MROH1: variants seen among roughly 807,000 people sequenced by gnomAD.
MROH1 encodes the protein maestro heat like repeat family member 1.
Under a neutral mutation model 116.5 loss-of-function variants are expected in MROH1, and 117 were observed. That is an observed-to-expected ratio of 1.00 (90% CI 0.86 to 1.17). The LOEUF is 1.17. Among genes scored for constraint, MROH1 ranks in the 50% most tolerant of loss-of-function variants. MROH1 has a pLI of 0.00. For missense variants in MROH1, 1,873 were observed against 1,338.5 expected (o/e 1.40, Z -6.23); for synonymous variants, 921 against 583.9 (o/e 1.58, Z -8.32).
Position 144,245,272 on chromosome 8 carries a change from G to A in MROH1, c.2871+12G>A, listed in dbSNP as rs1472261572. On this transcript the variant is annotated intron_variant, in intron 29 of 43. Coordinates refer to ENST00000326134, the MANE Select transcript of MROH1 (RefSeq NM_032450.3). ...ACCTGCGTGTCAGCGTGAGTACCTGGGTCCCTGGCCCGGGTGCTGCTGCCT... is the reference window on the plus strand; with the variant it reads ...ACCTGCGTGTCAGCGTGAGTACCTGAGTCCCTGGCCCGGGTGCTGCTGCCT... 1.3e-6 allele frequency: 1 copy of A among 775,700 alleles called. No homozygotes were observed. Among genetic ancestry groups the A allele is most frequent in the Non-Finnish European group, 2.4e-6 (1 of 417,710 alleles). 48.1% of individuals were successfully genotyped at this position (775,700 alleles called of 1,614,324 possible).
At chr8:144,155,960 C>T (rs967397851) in intron 1 of MROH1, among the ~76,000 whole-genome samples, 5 of 146,030 alleles carry the variant, frequency 3.4e-5, no homozygotes, top group African/African-American at 7.5e-5. Flanking sequence ...AAGTTGAGGC[C>T]GGGCGCGGTG....
intron 12 of MROH1, among the ~76,000 whole-genome samples, chr8:144,220,230 C>T (rs140516724): frequency 2.4e-4 from 36 of 152,316 alleles, no homozygotes; most frequent in African/African-American, 7.7e-4. Flanking sequence ...GAGTCAGCGC[C>T]TGGAGGGGGA....
intron 12 of MROH1, chr8:144,214,095 C>G (rs1484522998): frequency 6.6e-6 from 1 of 152,254 alleles, no homozygotes; most frequent in African/African-American, 2.4e-5. Context: ...CTGCTCCCAC[C>G]AGCAACCTGG....
rs919778399 is a variant in MROH1 at position 144,254,818 on chromosome 8, C to A, written c.3434C>A (p.Thr1145Asn). ...LGSPLPLDSH[T>N]CMLWRALAVE... ...ACTCTCCTGCTCTGCTCCAGCCACA[C>A]CTGCATGCTGTGGCGGGCGCTGGCG... Residue 1145 changes from threonine (T) to asparagine (N), a missense_variant, in exon 34 of 44, where the codon ACC becomes AAC. By Grantham distance (65) the Thr-to-Asn change is moderately conservative (BLOSUM62 0). Coordinates refer to ENST00000326134, the MANE Select transcript of MROH1 (RefSeq NM_032450.3). 3 of 777,096 alleles carry A rather than the reference C, an allele frequency of 3.9e-6. No individual in the cohort carries two copies. The highest frequency in any genetic ancestry group is 7.2e-6 in the Non-Finnish European group (3 of 417,574). The allele number at this position is 777,096 out of a possible 1,614,324, so 48.1% of individuals were successfully genotyped here.
chr8:144,169,071 G>T (rs114291213), intron 4 of MROH1, among the ~76,000 whole-genome samples: 1 of 152,170 alleles, frequency 6.6e-6, no homozygotes, highest in Non-Finnish European at 1.5e-5. Context: ...TTTCGGCCTC[G>T]CCTGATCTTG....
intron 3 of MROH1, among the ~76,000 whole-genome samples, chr8:144,166,278 T>G (rs765175752): frequency 5.9e-5 from 9 of 152,220 alleles, no homozygotes; most frequent in African/African-American, 2.2e-4. Context: ...TTCCAACATA[T>G]GGATTTTGGA....
At chr8:144,209,774 C>T (rs2132076419) in intron 12 of MROH1, among the ~76,000 whole-genome samples, 1 of 151,094 alleles carries the variant, frequency 6.6e-6, no homozygotes, top group East Asian at 2.0e-4. Flanking sequence ...GGTGTGGTAG[C>T]ATGCATCTGT....
rs1285724642 is a variant in MROH1, at chr8:144,195,495, CTGTCTCAAAAAAAAAAAAAAAAAAAAAAA to C, written c.948+3095_948+3123del. On this transcript the variant is annotated intron_variant, in intron 10 of 43. Transcript: ENST00000326134. ...CCAGCCTGGGCAACAGAGTGAGACTCTGTCTCAAAAAAAAAAAAAAAAAAAAAAAAGAAACAGAGTCTCACTCTGTTGCC... is the reference window on the plus strand; with the variant it reads ...CCAGCCTGGGCAACAGAGTGAGACTCAGAAACAGAGTCTCACTCTGTTGCC... Among the ~76,000 whole-genome samples the C allele has an allele frequency of 1.5e-4, 11 of 72,496 alleles. 1 individual carries two copies. The East Asian group carries it at 5.7e-3, about 37-fold the overall frequency. 47.6% of individuals were successfully genotyped at this position (72,496 alleles called of 152,430 possible). A position where few individuals can be genotyped will look rare whatever the true frequency, so the allele number is the denominator to read the frequency against.
Position 144,250,715 on chromosome 8 carries a change from G to A in MROH1, c.3428+349G>A, listed in dbSNP as rs1588492383. On this transcript the variant is annotated intron_variant, in intron 33 of 43. Transcript: ENST00000326134. The stretch of plus-strand genomic sequence containing the variant: ...CACACTGGAGGCTGCCCCTCACCCT[G>A]TGTCTTGGTTCCGGCTACTCCAAGC... 3 of 413,596 alleles carry A rather than the reference G, an allele frequency of 7.3e-6. No individual in the cohort carries two copies. The East Asian group carries it at 1.6e-4, about 22-fold the overall frequency. 25.6% of individuals were successfully genotyped at this position (413,596 alleles called of 1,614,324 possible).
At position 144,240,696 on chromosome 8, in the gene MROH1, T is replaced by G; in HGVS notation, c.1935+19T>G. 3 of 714,450 alleles carry G rather than the reference T, an allele frequency of 4.2e-6. No homozygotes were observed. 44.3% of individuals were successfully genotyped at this position (714,450 alleles called of 1,614,324 possible). A position where few individuals can be genotyped will look rare whatever the true frequency, so the allele number is the denominator to read the frequency against. ...GGAGAAGGTGGGGCACCTGCTGGCGTTCTTGGTGTGGTACTTGGGCTCCGA... is the reference window on the plus strand; with the variant it reads ...GGAGAAGGTGGGGCACCTGCTGGCGGTCTTGGTGTGGTACTTGGGCTCCGA... On this transcript the variant is annotated intron_variant, in intron 20 of 43. Coordinates refer to ENST00000326134, the MANE Select transcript of MROH1 (RefSeq NM_032450.3).
intron 4 of MROH1, among the ~76,000 whole-genome samples, chr8:144,177,278 C>T (rs1395035876): frequency 2.0e-5 from 3 of 152,196 alleles, no homozygotes; most frequent in East Asian, 3.9e-4. Context: ...ATGCCACAGC[C>T]ACGTGCGGCA....
intron 7 of MROH1, among the ~76,000 whole-genome samples, chr8:144,187,013 G>A (rs1305124024): frequency 6.6e-6 from 1 of 151,898 alleles, no homozygotes; most frequent in Non-Finnish European, 1.5e-5. Context: ...CAGGAGAATT[G>A]CTTGAACCTG....
chr8:144,219,166 G>T (rs1015201982), intron 12 of MROH1, among the ~76,000 whole-genome samples: 1 of 151,746 alleles, frequency 6.6e-6, no homozygotes, highest in Non-Finnish European at 1.5e-5. Flanking sequence ...GGGACTACAG[G>T]CATCCACCAC....
chr8:144,244,014 A>G, intron 26 of MROH1, 72 bp downstream of exon 26: 1 of 752,060 alleles, frequency 1.3e-6, no homozygotes, highest in Non-Finnish European at 2.5e-6. Context: ...TTGTGTGTGC[A>G]CGTGTATGCG....
chr8:144,240,620 G>C lies in MROH1; in HGVS notation c.1878G>C (p.Gln626His). The C allele has an allele frequency of 2.8e-6, 2 of 717,650 alleles. No individual in the cohort carries two copies. The highest frequency in any genetic ancestry group is 4.0e-5 in the Admixed American group (2 of 50,022). 44.5% of individuals were successfully genotyped at this position (717,650 alleles called of 1,614,324 possible). The change falls in exon 20 of 44, where the codon CAG becomes CAC. Residue 626 changes from glutamine to histidine, a missense_variant. Coordinates refer to ENST00000326134, the MANE Select transcript of MROH1 (RefSeq NM_032450.3). The stretch of plus-strand genomic sequence containing the variant: ...TTTCTGACAACGCGTGGATCTGCCA[G>C]CTGAGCCTGGAGCTGTGCAGGCAGC... ...AIISDNAWICQLSLELCRQLP... is the reference protein window; with the variant it reads ...AIISDNAWICHLSLELCRQLP...
intron 7 of MROH1, among the ~76,000 whole-genome samples, chr8:144,187,396 C>T (rs377172525): frequency 7.7e-4 from 117 of 152,008 alleles, no homozygotes; most frequent in African/African-American, 2.6e-3. Flanking sequence ...AGTGACAGAC[C>T]GAGACCCTGT....
chr8:144,259,749 C>A (rs928776233), intron 37 of MROH1, among the ~76,000 whole-genome samples, 162 bp from the exon 38 acceptor site: 13 of 152,248 alleles, frequency 8.5e-5, no homozygotes, highest in Non-Finnish European at 1.5e-4. Context: ...CCCAGCGGCA[C>A]AACAGGGAGG....
At chr8:144,168,143 G>T (rs1316140767) in intron 3 of MROH1, among the ~76,000 whole-genome samples, 152 bp from the exon 4 acceptor site, 1 of 152,196 alleles carries the variant, frequency 6.6e-6, no homozygotes, top group Non-Finnish European at 1.5e-5. Context: ...GTGGAGGGAG[G>T]TTATACAAGA....
intron 24 of MROH1, 114 bp downstream of exon 24, chr8:144,242,742 T>G (rs1354395039): frequency 4.3e-6 from 3 of 704,514 alleles, no homozygotes; most frequent in Non-Finnish European, 7.9e-6. Context: ...TTGCTGGGGC[T>G]TCCTGGTCTC....
Sources: allele counts gnomAD v4.1 joint callset (sites outside exome capture counted in the v4.1 genomes callset), GRCh38; gene constraint gnomAD v4.1.1; transcripts MANE v1.5; gene names NCBI Gene and HGNC (gene_info 2026-07-23, HGNC 2026-07-21).